The following IRAK2 variants were observed in gnomAD, a reference collection of about 807,000 sequenced individuals.
The protein encoded by IRAK2 is interleukin 1 receptor associated kinase 2.
In IRAK2, 57 loss-of-function variants were observed where a neutral mutation model predicts 72.0. The observed-to-expected ratio is 0.79, with a 90% CI of 0.64 to 0.99. The LOEUF (loss-of-function observed/expected upper bound fraction) is 0.99. Among genes scored for constraint, IRAK2 ranks in the 50% least tolerant of loss-of-function variants. IRAK2 has a pLI of 0.00. For missense variants in IRAK2, 790 were observed against 794.4 expected (o/e 0.99, Z 0.07); for synonymous variants, 293 against 312.7 (o/e 0.94, Z 0.67).
At chr3:10,179,613 T>C (rs1696931123) in intron 2 of IRAK2, among the ~76,000 whole-genome samples, 1 of 152,112 alleles carries the variant, frequency 6.6e-6, no homozygotes. Flanking sequence ...TTTGTATTTT[T>C]AGTATAGACG....
chr3:10,192,585 G>A lies in IRAK2; in HGVS notation c.278-7784G>A, dbSNP rs1331320589. ...TTGGTAGCAATTATCCCCCAGAGCT[G>A]TTACCTGAATTAAATAGGCCACAGA... On this transcript the variant is annotated intron_variant, in intron 2 of 12. Coordinates refer to ENST00000256458, the MANE Select transcript of IRAK2 (RefSeq NM_001570.4). 3.9e-5 allele frequency among the ~76,000 whole-genome samples: 6 copies of A among 152,314 alleles called. No individual in the cohort carries two copies. In the South Asian group the frequency reaches 8.3e-4, roughly 21 times the overall value.
At position 10,222,894 on chromosome 3, in the gene IRAK2, T is replaced by C. The variant is rs867259390; in HGVS notation, c.1209+63T>C. ...TTGATTTGTCCTTCCCACGGCTCCT[T>C]TGTAATCACAGGATACGGTAGAGGC... On this transcript the variant is annotated intron_variant, in intron 9 of 12. Coordinates refer to ENST00000256458, the MANE Select transcript of IRAK2 (RefSeq NM_001570.4). The C allele has an allele frequency of 4.2e-6, 6 of 1,416,984 alleles. No individual in the cohort carries two copies. The Admixed American group carries it at 6.8e-5, about 16-fold the overall frequency. The allele number at this position is 1,416,984 out of a possible 1,614,324, so 87.8% of individuals were successfully genotyped here. A position where few individuals can be genotyped will look rare whatever the true frequency, so the allele number is the denominator to read the frequency against.
chr3:10,165,818 C>A (rs574692341), intron 1 of IRAK2, among the ~76,000 whole-genome samples: 26 of 151,044 alleles, frequency 1.7e-4, no homozygotes, highest in African/African-American at 5.3e-4. Flanking sequence ...GCAAGCTCCG[C>A]CTCCCGGGTT....
chr3:10,211,860 G>A (rs958234010), intron 4 of IRAK2, among the ~76,000 whole-genome samples: 6 of 152,010 alleles, frequency 3.9e-5, no homozygotes, highest in African/African-American at 1.4e-4. Flanking sequence ...GGCGGATCAC[G>A]AGGTCAGGAG....
chr3:10,200,470 C>G lies in IRAK2; in HGVS notation c.379C>G (p.Gln127Glu). Residue 127 changes from glutamine to glutamate, a missense_variant, in exon 3 of 13, where the codon CAG (glutamine) becomes GAG (glutamate). Gln to Glu is a conservative substitution (Grantham distance 29). Coordinates refer to ENST00000256458, the MANE Select transcript of IRAK2 (RefSeq NM_001570.4). ...TTCTGTAAGAAAGGCTGAGGATGAA[C>G]AGGAAGAGGGGCAGCCTGTGAGGAT... ...AASVRKAEDE[Q>E]EEGQPVRMAT... 1.2e-6 allele frequency: 2 copies of G among 1,605,696 alleles called. No individual in the cohort carries two copies. Among genetic ancestry groups the G allele is most frequent in the East Asian group, 2.2e-5 (1 of 44,626 alleles).
intron 2 of IRAK2, among the ~76,000 whole-genome samples, chr3:10,181,053 G>T (rs2125143869): frequency 6.6e-6 from 1 of 152,236 alleles, no homozygotes; most frequent in East Asian, 1.9e-4. Context: ...GCCCCCAGCA[G>T]CATAGTGGTG....
At chr3:10,178,159 A>G in intron 2 of IRAK2, 139 bp downstream of exon 2, 4 of 730,554 alleles carry the variant, frequency 5.5e-6, no homozygotes, top group South Asian at 1.9e-5. Flanking sequence ...TACCATGCAC[A>G]TAAGAAACTG....
At chr3:10,178,445 ACT>A (rs1575955243) in intron 2 of IRAK2, among the ~76,000 whole-genome samples, 1 of 151,096 alleles carries the variant, frequency 6.6e-6, no homozygotes, top group South Asian at 2.1e-4. Flanking sequence ...TGACAGTGAG[ACT>A]CTGTCTCCAA....
rs538196213 is a variant in IRAK2, at chr3:10,171,763, C to T, written c.95-6075C>T. The stretch of plus-strand genomic sequence containing the variant: ...TGGATTACAGGCGTGAGCCACTGCA[C>T]CCAGCCTTTTTTTTTTTTTTGAGAC... On this transcript the variant is annotated intron_variant, in intron 1 of 12. Coordinates refer to ENST00000256458, the MANE Select transcript of IRAK2 (RefSeq NM_001570.4). Among the ~76,000 whole-genome samples, 22 of 138,198 alleles carry T rather than the reference C, an allele frequency of 1.6e-4. 1 individual carries two copies. In the South Asian group the frequency reaches 4.8e-3, roughly 30 times the overall value. 90.7% of individuals were successfully genotyped at this position (138,198 alleles called of 152,430 possible).
chr3:10,169,683 AC>A (rs1297354646), intron 1 of IRAK2, among the ~76,000 whole-genome samples: 1 of 152,154 alleles, frequency 6.6e-6, no homozygotes, highest in African/African-American at 2.4e-5. Flanking sequence ...TTAAACACCC[AC>A]GTTTTACAAT....
rs866551793 is a variant in IRAK2, at chr3:10,241,674, G to A, written c.1766-442G>A. Among the ~76,000 whole-genome samples, 40 of 152,064 alleles carry A rather than the reference G, an allele frequency of 2.6e-4. No homozygotes were observed. The Middle Eastern group carries it at 0.01, about 39-fold the overall frequency. On this transcript the variant is annotated intron_variant, in intron 12 of 12. Transcript: ENST00000256458. ...CTAGGACTTCGGGAGGCCGAGGCGG[G>A]TGGGTTGCCTGAGCTCAGGAGTTCA...
intron 1 of IRAK2, among the ~76,000 whole-genome samples, chr3:10,165,876 G>A (rs887744300): frequency 4.6e-5 from 7 of 152,060 alleles, no homozygotes; most frequent in Middle Eastern, 3.4e-3. Context: ...GACTACAGGC[G>A]CCCGCCACCA....
intron 6 of IRAK2, among the ~76,000 whole-genome samples, chr3:10,214,848 A>G (rs1697578153): frequency 6.6e-6 from 1 of 152,098 alleles, no homozygotes; most frequent in African/African-American, 2.4e-5. Context: ...TAATCCCAGC[A>G]CTTTGGGAGG....
rs757666703 is a variant in IRAK2 at position 10,222,819 on chromosome 3, C to T, written c.1197C>T (p.Phe399=). Residue 399 remains phenylalanine (F), a synonymous_variant, in exon 9 of 13, where the codon TTC becomes TTT. Coordinates refer to ENST00000256458, the MANE Select transcript of IRAK2 (RefSeq NM_001570.4). ...VGQLTKRVDI[F]SCGIVLAEVL... is the part of the protein sequence containing the mutation. ...AGCTGACAAAGCGAGTGGACATCTT[C>T]AGCTGTGGAATAGTAAGAGTGTCCT... The T allele has an allele frequency of 1.9e-5, 30 of 1,614,036 alleles. No individual in the cohort carries two copies. The highest frequency in any genetic ancestry group is 2.2e-5 in the Non-Finnish European group (26 of 1,179,898).
At chr3:10,210,827 C>G (rs535402192) in intron 4 of IRAK2, among the ~76,000 whole-genome samples, 1 of 152,268 alleles carries the variant, frequency 6.6e-6, no homozygotes, top group African/African-American at 2.4e-5. Context: ...ACCTGGGCAA[C>G]AGTGTGAGAT....
chr3:10,188,756 C>A (rs1697125329), intron 2 of IRAK2, among the ~76,000 whole-genome samples: 1 of 152,234 alleles, frequency 6.6e-6, no homozygotes, highest in Non-Finnish European at 1.5e-5. Context: ...AAACTCCCGA[C>A]CTCAGGTGAT....
At chr3:10,233,753 T>C (rs938104245) in intron 10 of IRAK2, among the ~76,000 whole-genome samples, 6 of 152,238 alleles carry the variant, frequency 3.9e-5, no homozygotes, top group African/African-American at 1.4e-4. Context: ...CTATTAGTTA[T>C]TATCACTAAA....
intron 1 of IRAK2, among the ~76,000 whole-genome samples, chr3:10,170,646 T>C (rs2125139238): frequency 6.6e-6 from 1 of 152,350 alleles, no homozygotes; most frequent in South Asian, 2.1e-4. Flanking sequence ...CTTACCTGTC[T>C]AGTTTTTCAC....
At position 10,178,012 on chromosome 3, in the gene IRAK2, T is replaced by A; in HGVS notation, c.269T>A (p.Ile90Asn). Residue 90 changes from isoleucine (I) to asparagine (N), a missense_variant, in exon 2 of 13, where the codon ATC (isoleucine) becomes AAC (asparagine). By Grantham distance (149) the Ile-to-Asn change is moderately radical (BLOSUM62 -3). Transcript: ENST00000256458. Reference sequence around the variant, plus strand: ...GAGCTCTACCGGGCTGCCCAGATCATCCTGAACTGTGAGTAACTCAGGGCC... The same window carrying A: ...GAGCTCTACCGGGCTGCCCAGATCAACCTGAACTGTGAGTAACTCAGGGCC... ...RLELYRAAQI[I>N]LNWKPAPEIR... 3 of 1,605,632 alleles carry A rather than the reference T, an allele frequency of 1.9e-6. No individual in the cohort carries two copies. The highest frequency in any genetic ancestry group is 2.6e-6 in the Non-Finnish European group (3 of 1,175,502).
Sources: allele counts gnomAD v4.1 joint callset (sites outside exome capture counted in the v4.1 genomes callset), GRCh38; gene constraint gnomAD v4.1.1; transcripts MANE v1.5; gene names NCBI Gene and HGNC (gene_info 2026-07-23, HGNC 2026-07-21).